Variants in RBM33 observed in about 807,000 individuals in gnomAD.
RBM33 encodes RNA binding motif protein 33, also known as RNA-binding protein 33.
A neutral mutation model predicts 132.6 loss-of-function variants in RBM33; 28 were observed. The observed-to-expected ratio is 0.21, with a 90% CI of 0.16 to 0.29. RBM33 has a LOEUF of 0.29. Ranked by LOEUF, RBM33 falls within the 10% of genes least tolerant of loss-of-function variation. RBM33 has a pLI of 1.00. For missense variants in RBM33, 1,291 were observed against 1,518.5 expected (o/e 0.85, Z 2.49); for synonymous variants, 634 against 593.0 (o/e 1.07, Z -1.01).
At chr7:155,700,110 T>G (rs1013524199) in intron 5 of RBM33, among the ~76,000 whole-genome samples, 1 of 152,192 alleles carries the variant, frequency 6.6e-6, no homozygotes, top group Non-Finnish European at 1.5e-5. Flanking sequence ...TAGGGAATAC[T>G]GATATAATAA....
At chr7:155,711,605 TG>T in intron 8 of RBM33, 150 bp downstream of exon 8, 1 of 532,396 alleles carries the variant, frequency 1.9e-6, no homozygotes, top group Admixed American at 4.3e-5. Flanking sequence ...TGTTGAGATT[TG>T]ATCTCTCCTG....
At position 155,766,782 on chromosome 7, in the gene RBM33, A is replaced by G. The variant is rs903431883; in HGVS notation, c.3375+127A>G. ...ATTAAAATAATACTTGGGAAGTAAG[A>G]CAAATAACCTGTTGTGCATACTTAG... On this transcript the variant is annotated intron_variant, in intron 16 of 17. Transcript: ENST00000401878. 1.0e-5 allele frequency: 9 copies of G among 897,516 alleles called. No individual in the cohort carries two copies. In the East Asian group the frequency reaches 1.1e-4, roughly 11 times the overall value. The allele number at this position is 897,516 out of a possible 1,614,324, so 55.6% of individuals were successfully genotyped here.
intron 6 of RBM33, among the ~76,000 whole-genome samples, chr7:155,705,069 C>G (rs1226625621): frequency 1.2e-4 from 18 of 151,990 alleles, no homozygotes; most frequent in Admixed American, 1.2e-3. Context: ...ATATATTTTT[C>G]TTAACATTTT....
chr7:155,720,821 T>C (rs1477691799), intron 9 of RBM33, among the ~76,000 whole-genome samples: 1 of 152,234 alleles, frequency 6.6e-6, no homozygotes, highest in Admixed American at 6.5e-5. Flanking sequence ...CCTCAGTTTC[T>C]ATCCTGGTGG....
chr7:155,769,081 C>T (rs1802319840), intron 16 of RBM33, among the ~76,000 whole-genome samples: 1 of 152,162 alleles, frequency 6.6e-6, no homozygotes. Context: ...TCTATAGACT[C>T]AGTGAGGAAG....
chr7:155,725,555 C>A (rs1434931348), intron 9 of RBM33, among the ~76,000 whole-genome samples: 3 of 152,000 alleles, frequency 2.0e-5, no homozygotes, highest in Non-Finnish European at 2.9e-5. Context: ...AAAATTGTGA[C>A]CCTCATTAAG....
At chr7:155,716,923 T>C (rs1417948151) in intron 8 of RBM33, among the ~76,000 whole-genome samples, 4 of 152,222 alleles carry the variant, frequency 2.6e-5, no homozygotes, top group Admixed American at 6.5e-5. Context: ...ACTTTGCATT[T>C]GATCAAGCAG....
intron 13 of RBM33, among the ~76,000 whole-genome samples, chr7:155,744,405 A>G (rs544234319): frequency 9.5e-4 from 145 of 152,342 alleles, no homozygotes; most frequent in Non-Finnish European, 1.7e-3. Context: ...CAATACTGCA[A>G]TCGGCAACAT....
At chr7:155,667,259 ATTG>A (rs1016653451) in intron 2 of RBM33, among the ~76,000 whole-genome samples, 150 of 152,146 alleles carry the variant, frequency 9.9e-4, no homozygotes, top group African/African-American at 3.5e-3. Context: ...TGTGAGGTTT[ATTG>A]TTGTTGTTTT....
rs575848432 is a variant in RBM33, at chr7:155,751,326, T to C, written c.2979+5724T>C. On this transcript the variant is annotated intron_variant, in intron 14 of 17. Transcript: ENST00000401878. The stretch of plus-strand genomic sequence containing the variant: ...AGTAGGTTGGAGACATGGTGTGTTA[T>C]GATTCAGCACACAGATACTCTCTTA... Among the ~76,000 whole-genome samples, 12 of 152,330 alleles carry C rather than the reference T, an allele frequency of 7.9e-5. No homozygotes were observed. In the South Asian group the frequency reaches 2.5e-3, roughly 32 times the overall value.
At chr7:155,682,978 A>T (rs1554471649) in intron 5 of RBM33, among the ~76,000 whole-genome samples, 3 of 151,060 alleles carry the variant, frequency 2.0e-5, no homozygotes, top group Non-Finnish European at 4.4e-5. Flanking sequence ...ATTAAAATGA[A>T]TTTTTTTTTC....
At chr7:155,708,462 T>C (rs1800180629) in intron 7 of RBM33, among the ~76,000 whole-genome samples, 1 of 152,226 alleles carries the variant, frequency 6.6e-6, no homozygotes, top group African/African-American at 2.4e-5. Context: ...TACGTAATTG[T>C]GTCTCTGATC....
chr7:155,733,771 C>T (rs531211746), intron 9 of RBM33, among the ~76,000 whole-genome samples: 6 of 152,296 alleles, frequency 3.9e-5, no homozygotes, highest in African/African-American at 1.4e-4. Context: ...GAAAGAATGG[C>T]CGTTCACATT....
At chr7:155,651,787 T>C (rs1798363117) in intron 1 of RBM33, among the ~76,000 whole-genome samples, 1 of 152,146 alleles carries the variant, frequency 6.6e-6, no homozygotes, top group Non-Finnish European at 1.5e-5. Flanking sequence ...AATTCTATTA[T>C]GATTGATTTT....
At chr7:155,742,590 G>C (rs1409509158) in intron 13 of RBM33, among the ~76,000 whole-genome samples, 1 of 152,186 alleles carries the variant, frequency 6.6e-6, no homozygotes, top group African/African-American at 2.4e-5. Context: ...GAATCCCGTA[G>C]GTTTCTGTGA....
At chr7:155,721,588 C>T (rs1366132603) in intron 9 of RBM33, among the ~76,000 whole-genome samples, 1 of 151,972 alleles carries the variant, frequency 6.6e-6, no homozygotes, top group Non-Finnish European at 1.5e-5. Flanking sequence ...ATTTTAAAGG[C>T]TGTATGATAC....
intron 1 of RBM33, among the ~76,000 whole-genome samples, chr7:155,646,591 G>A (rs1798202155): frequency 6.6e-6 from 1 of 152,132 alleles, no homozygotes; most frequent in South Asian, 2.1e-4. Context: ...TCCTGTACCC[G>A]CTCTTGCCAG....
At chr7:155,738,445 C>T (rs775795655) in intron 11 of RBM33, 42 bp downstream of exon 11, 1 of 1,530,862 alleles carries the variant, frequency 6.5e-7, no homozygotes, top group Non-Finnish European at 8.9e-7. Flanking sequence ...AAATGTGTAG[C>T]TTCAAGGCTT....
intron 3 of RBM33, among the ~76,000 whole-genome samples, chr7:155,675,869 C>G (rs1371959647): frequency 6.6e-6 from 1 of 152,160 alleles, no homozygotes; most frequent in Non-Finnish European, 1.5e-5. Flanking sequence ...GCATTGCCCT[C>G]AATTTTCCAT....
Sources: allele counts gnomAD v4.1 joint callset (sites outside exome capture counted in the v4.1 genomes callset), GRCh38; gene constraint gnomAD v4.1.1; transcripts MANE v1.5; gene names NCBI Gene and HGNC (gene_info 2026-07-23, HGNC 2026-07-21).